Variants in GRIK2 observed in about 807,000 individuals in gnomAD.
GRIK2 encodes glutamate receptor ionotropic, kainate 2.
GRIK2 carries 32 observed loss-of-function variants against 100.3 expected under a neutral mutation model. The observed-to-expected ratio is 0.32, with a 90% CI of 0.24 to 0.43. GRIK2 has a LOEUF of 0.43. GRIK2 is among the 20% of genes least tolerant of loss of function. The probability of loss-of-function intolerance (pLI) is 1.00; values close to 1 mark genes in which losing one functional copy is unlikely to be tolerated. For missense variants in GRIK2, 843 were observed against 1,114.9 expected (o/e 0.76, Z 3.47); for synonymous variants, 417 against 389.4 (o/e 1.07, Z -0.83).
intron 14 of GRIK2, among the ~76,000 whole-genome samples, chr6:101,995,020 T>C (rs2518271): frequency 0.3 from 45,630 of 151,820 alleles, 7,445 homozygotes; most frequent in Non-Finnish European, 0.36. Context: ...ACTACTGTGA[T>C]ATAGATTCTT....
intron 7 of GRIK2, among the ~76,000 whole-genome samples, chr6:101,704,354 G>C (rs1381568502): frequency 6.6e-6 from 1 of 151,670 alleles, no homozygotes; most frequent in Non-Finnish European, 1.5e-5. Flanking sequence ...TCTCCAAGGG[G>C]GTGAAAATTA....
intron 14 of GRIK2, among the ~76,000 whole-genome samples, chr6:102,026,345 C>A (rs1053947656): frequency 6.6e-6 from 1 of 150,626 alleles, no homozygotes; most frequent in Non-Finnish European, 1.5e-5. Context: ...GTTAAAGAAG[C>A]TTTTTATTAC....
intron 7 of GRIK2, among the ~76,000 whole-genome samples, chr6:101,757,755 G>A (rs188246933): frequency 1.6e-4 from 24 of 152,264 alleles, no homozygotes; most frequent in Non-Finnish European, 3.4e-4. Flanking sequence ...TCCAGGTACA[G>A]TTTGAAAAGT....
chr6:101,728,739 TGTAA>T (rs1775050485), intron 7 of GRIK2, among the ~76,000 whole-genome samples: 1 of 152,020 alleles, frequency 6.6e-6, no homozygotes, highest in South Asian at 2.1e-4. Flanking sequence ...CTATGACAAG[TGTAA>T]TTCTGTTGAT....
chr6:101,897,383 A>C (rs551898064), intron 12 of GRIK2, among the ~76,000 whole-genome samples: 54 of 151,796 alleles, frequency 3.6e-4, no homozygotes, highest in Admixed American at 7.9e-4. Context: ...ACATTTTTTC[A>C]TAGCGGCAGA....
intron 7 of GRIK2, among the ~76,000 whole-genome samples, chr6:101,726,709 G>A (rs1246450775): frequency 6.6e-6 from 1 of 151,960 alleles, no homozygotes; most frequent in Non-Finnish European, 1.5e-5. Context: ...TGTATTTTTA[G>A]CATTTTATAT....
chr6:101,899,509 A>G (rs1787702142), intron 12 of GRIK2, among the ~76,000 whole-genome samples: 1 of 152,000 alleles, frequency 6.6e-6, no homozygotes, highest in African/African-American at 2.4e-5. Flanking sequence ...CAGTTTTAAT[A>G]CCTTCTAACT....
chr6:101,878,906 G>A (rs927379694), intron 11 of GRIK2, among the ~76,000 whole-genome samples: 3 of 151,886 alleles, frequency 2.0e-5, no homozygotes, highest in African/African-American at 7.2e-5. Flanking sequence ...TTATTTTACT[G>A]TTATAAACTC....
chr6:101,726,317 T>C (rs1273473858), intron 7 of GRIK2, among the ~76,000 whole-genome samples: 1 of 152,046 alleles, frequency 6.6e-6, no homozygotes. Flanking sequence ...CAGAAGATTA[T>C]AGCAGTGATT....
At chr6:101,537,447 T>TGTGTGC (rs369954971) in intron 2 of GRIK2, among the ~76,000 whole-genome samples, 5,403 of 71,056 alleles carry the variant, frequency 0.076, 134 homozygotes, top group Middle Eastern at 0.22. Flanking sequence ...TGTGTTTGTG[T>TGTGTGC]GTGTGTGCGT....
At chr6:101,663,386 A>T (rs985868034) in intron 4 of GRIK2, among the ~76,000 whole-genome samples, 1 of 152,120 alleles carries the variant, frequency 6.6e-6, no homozygotes, top group African/African-American at 2.4e-5. Flanking sequence ...CGTACATCTG[A>T]ACAGGTTGTC....
At chr6:102,034,570 G>A (rs75833074) in intron 14 of GRIK2, among the ~76,000 whole-genome samples, 7,375 of 151,272 alleles carry the variant, frequency 0.049, 288 homozygotes, top group Admixed American at 0.08. Context: ...TTTTACCAGG[G>A]CCTTCTGAAC....
intron 12 of GRIK2, among the ~76,000 whole-genome samples, chr6:101,911,046 A>G (rs1316531884): frequency 2.7e-5 from 2 of 73,292 alleles, no homozygotes; most frequent in African/African-American, 5.4e-5. Flanking sequence ...TTGCTTTCTT[A>G]TTTCTACCAT....
At chr6:101,879,262 A>T (rs1224854094) in intron 11 of GRIK2, among the ~76,000 whole-genome samples, 1 of 152,014 alleles carries the variant, frequency 6.6e-6, no homozygotes, top group Admixed American at 6.6e-5. Context: ...AAATAGCCCT[A>T]ATGCTTAACC....
chr6:101,811,073 T>C (rs907215106), intron 9 of GRIK2, among the ~76,000 whole-genome samples: 2 of 152,130 alleles, frequency 1.3e-5, no homozygotes, highest in African/African-American at 2.4e-5. Flanking sequence ...TGCCAACTTT[T>C]TTCCAAGGGA....
chr6:101,688,502 G>T (rs1365816525), intron 7 of GRIK2, among the ~76,000 whole-genome samples: 2 of 151,894 alleles, frequency 1.3e-5, no homozygotes, highest in East Asian at 3.9e-4. Flanking sequence ...GAAGCTCTTG[G>T]AGAGAATTAA....
At chr6:101,575,752 C>T (rs914530294) in intron 2 of GRIK2, among the ~76,000 whole-genome samples, 6 of 151,994 alleles carry the variant, frequency 3.9e-5, no homozygotes, top group African/African-American at 7.2e-5. Context: ...AGATTAATTT[C>T]TGAGCTTTGC....
intron 7 of GRIK2, among the ~76,000 whole-genome samples, chr6:101,688,015 GC>G (rs1462520736): frequency 6.8e-6 from 1 of 147,704 alleles, no homozygotes; most frequent in Non-Finnish European, 1.5e-5. Context: ...TATAATGTAT[GC>G]TATCCTTTAA....
chr6:101,615,521 A>T (rs1487838017), intron 2 of GRIK2, among the ~76,000 whole-genome samples: 1 of 151,830 alleles, frequency 6.6e-6, no homozygotes. Flanking sequence ...TTAAGATCAT[A>T]TAGGTCTTAT....
Sources: allele counts gnomAD v4.1 joint callset (sites outside exome capture counted in the v4.1 genomes callset), GRCh38; gene constraint gnomAD v4.1.1; transcripts MANE v1.5; gene names NCBI Gene and HGNC (gene_info 2026-07-23, HGNC 2026-07-21).